Variants in ABLIM1 observed in about 807,000 individuals in gnomAD.
The protein encoded by ABLIM1 is actin binding LIM protein 1, also known as actin-binding LIM protein 1.
In ABLIM1, 40 loss-of-function variants were observed where a neutral mutation model predicts 107.0. That is an observed-to-expected ratio of 0.37 (90% confidence interval 0.29 to 0.49). ABLIM1 has a LOEUF of 0.49. ABLIM1 is among the 20% of genes least tolerant of loss of function. The pLI is 0.97. For missense variants in ABLIM1, 857 were observed against 1,008.5 expected (o/e 0.85, Z 2.04); for synonymous variants, 357 against 357.3 (o/e 1.00, Z 0.01).
the ABLIM1 span, among the ~76,000 whole-genome samples, chr10:114,790,119 T>A: frequency 1.3e-5 from 2 of 152,126 alleles, no homozygotes; most frequent in East Asian, 3.8e-4. Context: ...TCTGGATATT[T>A]GACCTTTGTT....
chr10:114,709,384 A>G (rs1173971074), intron 1 of ABLIM1, among the ~76,000 whole-genome samples: 1 of 152,228 alleles, frequency 6.6e-6, no homozygotes, highest in Non-Finnish European at 1.5e-5. Context: ...TTAGGAGCAG[A>G]GAATCTTGTT....
intron 9 of ABLIM1, among the ~76,000 whole-genome samples, chr10:114,473,625 C>T (rs1325088564): frequency 6.6e-6 from 1 of 151,680 alleles, no homozygotes; most frequent in Admixed American, 6.6e-5. Context: ...GTCTTAGGTG[C>T]AAGAATTTTT....
Position 114,602,153 on chromosome 10 carries a change from C to CG in ABLIM1, c.245-193dup, listed in dbSNP as rs556860764. On this transcript the variant is annotated intron_variant, in intron 1 of 22. Coordinates refer to ENST00000533213, the MANE Select transcript of ABLIM1 (RefSeq NM_002313.7). Reference sequence around the variant, plus strand: ...AAGACAGTTGTGGCTTTGACAGTCCCGGGGGGAAAACACCAGGCGTGTTCC... The same window carrying CG: ...AAGACAGTTGTGGCTTTGACAGTCCCGGGGGGGAAAACACCAGGCGTGTTCC... 2.5e-4 allele frequency among the ~76,000 whole-genome samples: 38 copies of CG among 152,268 alleles called. 1 individual carries two copies. The South Asian group carries it at 7.7e-3, about 31-fold the overall frequency.
chr10:114,508,055 C>T (rs1170514023), intron 6 of ABLIM1, among the ~76,000 whole-genome samples: 1 of 152,214 alleles, frequency 6.6e-6, no homozygotes, highest in Non-Finnish European at 1.5e-5. Context: ...CTTCCATCCC[C>T]GTTGCTCAGC....
chr10:114,692,942 C>T (rs1345484700), intron 1 of ABLIM1, among the ~76,000 whole-genome samples: 4 of 152,174 alleles, frequency 2.6e-5, no homozygotes, highest in Admixed American at 1.3e-4. Context: ...TAAGTCAACA[C>T]CAAGGACACC....
chr10:114,768,787 T>C (rs1031721710), upstream of ABLIM1, among the ~76,000 whole-genome samples: 10 of 152,056 alleles, frequency 6.6e-5, no homozygotes. Context: ...ATACACTTGA[T>C]TTACTGCATC....
chr10:114,724,198 G>A (rs777905807), intron 1 of ABLIM1, among the ~76,000 whole-genome samples: 1 of 152,164 alleles, frequency 6.6e-6, no homozygotes, highest in Non-Finnish European at 1.5e-5. Flanking sequence ...GAAAAAGCCT[G>A]TAACAAGAGA....
chr10:114,715,155 TTTC>T (rs1187828929), intron 1 of ABLIM1, among the ~76,000 whole-genome samples: 3 of 152,130 alleles, frequency 2.0e-5, no homozygotes, highest in African/African-American at 7.2e-5. Context: ...AAGTACAGAG[TTTC>T]TTCTTTGATG....
At chr10:114,696,448 T>C (rs778574604) in intron 1 of ABLIM1, among the ~76,000 whole-genome samples, 4 of 152,118 alleles carry the variant, frequency 2.6e-5, no homozygotes, top group Non-Finnish European at 5.9e-5. Flanking sequence ...TTCCTCTTCT[T>C]ATAAGGACAC....
intron 1 of ABLIM1, among the ~76,000 whole-genome samples, chr10:114,608,075 A>G (rs1193703252): frequency 6.6e-6 from 1 of 152,248 alleles, no homozygotes; most frequent in Non-Finnish European, 1.5e-5. Flanking sequence ...AAGAAAATAA[A>G]GCTTATAGGC....
At chr10:114,626,306 G>A (rs1014453554) in intron 1 of ABLIM1, among the ~76,000 whole-genome samples, 3 of 152,198 alleles carry the variant, frequency 2.0e-5, no homozygotes, top group African/African-American at 4.8e-5. Context: ...GCAGAAAGGT[G>A]TGGTGTTGGC....
intron 3 of ABLIM1, among the ~76,000 whole-genome samples, chr10:114,572,013 C>G (rs1480437198): frequency 1.3e-5 from 2 of 152,174 alleles, no homozygotes; most frequent in Non-Finnish European, 2.9e-5. Context: ...AGCTTCTTTT[C>G]AGAAAGACAA....
chr10:114,607,864 G>C (rs998977328), intron 1 of ABLIM1, among the ~76,000 whole-genome samples: 4 of 152,212 alleles, frequency 2.6e-5, no homozygotes, highest in African/African-American at 7.2e-5. Flanking sequence ...TCCCAGAACA[G>C]AGAAAGAACA....
chr10:114,688,572 G>A (rs2080999231), upstream of ABLIM1, among the ~76,000 whole-genome samples: 1 of 152,186 alleles, frequency 6.6e-6, no homozygotes, highest in Admixed American at 6.5e-5. Flanking sequence ...ATTGAACAAA[G>A]ATTCCCTCAT....
At chr10:114,642,572 AT>A (rs1320710721) in intron 1 of ABLIM1, among the ~76,000 whole-genome samples, 1 of 152,156 alleles carries the variant, frequency 6.6e-6, no homozygotes, top group African/African-American at 2.4e-5. Flanking sequence ...ATGAAGAAAG[AT>A]TTTTTTAAAT....
intron 1 of ABLIM1, among the ~76,000 whole-genome samples, chr10:114,607,428 A>T (rs1477083292): frequency 6.6e-6 from 1 of 151,938 alleles, no homozygotes; most frequent in East Asian, 1.9e-4. Context: ...CTAACTCCCC[A>T]CTCCTTAAGT....
intron 21 of ABLIM1, 40 bp from the exon 22 acceptor site, chr10:114,437,964 C>A: frequency 6.4e-7 from 1 of 1,565,634 alleles, no homozygotes; most frequent in Non-Finnish European, 8.8e-7. Context: ...ACACCACAGT[C>A]CATTTTATTA....
At chr10:114,437,779 A>C in intron 22 of ABLIM1, 65 bp downstream of exon 22, 2 of 1,334,572 alleles carry the variant, frequency 1.5e-6, no homozygotes, top group South Asian at 2.5e-5. Flanking sequence ...AACATTGCTT[A>C]GGGGAGAGTT....
intron 1 of ABLIM1, among the ~76,000 whole-genome samples, chr10:114,755,737 G>A (rs1008339317): frequency 3.3e-5 from 5 of 152,168 alleles, no homozygotes; most frequent in African/African-American, 1.2e-4. Flanking sequence ...CTCTGGCTCC[G>A]CTCTGTTATT....
Sources: allele counts gnomAD v4.1 joint callset (sites outside exome capture counted in the v4.1 genomes callset), GRCh38; gene constraint gnomAD v4.1.1; transcripts MANE v1.5; gene names NCBI Gene and HGNC (gene_info 2026-07-23, HGNC 2026-07-21).